Variants in ZNF606 observed in about 807,000 individuals in gnomAD.
ZNF606 encodes the protein zinc finger protein 606, also known as zinc finger protein 328.
A neutral mutation model predicts 74.9 loss-of-function variants in ZNF606; 37 were observed. The observed-to-expected ratio is 0.49, with a 90% CI of 0.38 to 0.65. The LOEUF (loss-of-function observed/expected upper bound fraction) is 0.65. Ranked by LOEUF, ZNF606 falls within the 30% of genes least tolerant of loss-of-function variation. The pLI is 0.00. For missense variants in ZNF606, 852 were observed against 952.9 expected, an observed-to-expected ratio of 0.89 and a Z score of 1.39; for synonymous variants, 328 against 312.4, an observed-to-expected ratio of 1.05 and a Z score of -0.53.
At chr19:58,001,932 C>T (rs773003184) in intron 1 of ZNF606, 41 of 338,620 alleles carry the variant, frequency 1.2e-4, no homozygotes, top group Non-Finnish European at 1.8e-4. Flanking sequence ...TTTACTAAGC[C>T]TAAGCTTGTG....
chr19:57,983,628 T>C (rs968077709), intron 6 of ZNF606, among the ~76,000 whole-genome samples: 1 of 148,836 alleles, frequency 6.7e-6, no homozygotes, highest in African/African-American at 2.5e-5. Context: ...GATGGTGGGG[T>C]TATAGAACAG....
Position 58,002,541 on chromosome 19 carries a change from C to G in ZNF606, c.-197G>C. The G allele has an allele frequency of 2.4e-6, 1 of 425,524 alleles. No individual in the cohort carries two copies. Among genetic ancestry groups the G allele is most frequent in the South Asian group, 1.7e-5 (1 of 60,070 alleles). 26.4% of individuals were successfully genotyped at this position (425,524 alleles called of 1,614,324 possible). A position where few individuals can be genotyped will look rare whatever the true frequency, so the allele number is the denominator to read the frequency against. The stretch of plus-strand genomic sequence containing the variant: ...CGGCGCGGCCTCGGGGACAAAGGCC[C>G]GCGGAGCCGACGTGCAGCAGAGTTC... On this transcript the variant is annotated 5_prime_UTR_variant, in exon 1 of 7. Transcript: ENST00000551380.
At chr19:57,986,956 G>GGT (rs1352679520) in intron 6 of ZNF606, among the ~76,000 whole-genome samples, 1 of 151,858 alleles carries the variant, frequency 6.6e-6, no homozygotes, top group Non-Finnish European at 1.5e-5. Context: ...TGAGCATGAC[G>GGT]GTGCATGGCT....
intron 6 of ZNF606, among the ~76,000 whole-genome samples, chr19:57,980,674 A>C (rs561528245): frequency 8.3e-4 from 126 of 152,158 alleles, no homozygotes; most frequent in African/African-American, 3.0e-3. Context: ...TCTCTACTAA[A>C]AATACAAAAA....
intron 6 of ZNF606, among the ~76,000 whole-genome samples, chr19:57,986,651 T>C (rs1426815685): frequency 6.6e-6 from 1 of 152,156 alleles, no homozygotes; most frequent in Admixed American, 6.6e-5. Flanking sequence ...TAAATCCATA[T>C]TCATGAACAC....
chr19:58,000,223 G>GT, intron 3 of ZNF606: 2 of 411,494 alleles, frequency 4.9e-6, no homozygotes, highest in South Asian at 4.3e-5. Flanking sequence ...CTGCTCACTG[G>GT]TTTTCTTTTT....
upstream of ZNF606, chr19:58,002,908 G>A (rs542710726): frequency 9.0e-6 from 4 of 445,460 alleles, no homozygotes; most frequent in South Asian, 3.2e-5. Context: ...CAGGTTCCTG[G>A]GCCGCGCCGC....
chr19:57,982,405 C>A (rs2073097815), intron 6 of ZNF606, among the ~76,000 whole-genome samples: 1 of 152,164 alleles, frequency 6.6e-6, no homozygotes, highest in Non-Finnish European at 1.5e-5. Flanking sequence ...CTCCCCACAG[C>A]AAGATCCTTA....
At chr19:58,003,028 C>T (rs765653315), upstream of ZNF606, 4 of 433,756 alleles carry the variant, frequency 9.2e-6, no homozygotes, top group Non-Finnish European at 1.8e-5. Flanking sequence ...CCGTCGCCTC[C>T]CACTGCAAAA....
At chr19:57,981,931 T>G (rs892161885) in intron 6 of ZNF606, among the ~76,000 whole-genome samples, 1 of 152,214 alleles carries the variant, frequency 6.6e-6, no homozygotes, top group Non-Finnish European at 1.5e-5. Flanking sequence ...AAGTCGAGAC[T>G]CAGAATCCAG....
rs926607187 is a variant in ZNF606, at chr19:58,000,135, G to A, written c.89-239C>T. On this transcript the variant is annotated intron_variant, in intron 3 of 6. Transcript: ENST00000551380. ...TACCATCTCTGAGAAGCAGTGTCTG[G>A]TCACAACCTTCCTGGGCCTGAACCC... 1.3e-5 allele frequency: 7 copies of A among 535,414 alleles called. No homozygotes were observed. In the African/African-American group the frequency reaches 1.3e-4, roughly 10 times the overall value. The allele number at this position is 535,414 out of a possible 1,614,324, so 33.2% of individuals were successfully genotyped here.
At chr19:57,987,592 C>T (rs951262572) in intron 6 of ZNF606, among the ~76,000 whole-genome samples, 4 of 152,112 alleles carry the variant, frequency 2.6e-5, no homozygotes, top group Non-Finnish European at 5.9e-5. Flanking sequence ...CTTTGGGAGC[C>T]CGAGGTGGGC....
intron 3 of ZNF606, chr19:58,000,254 C>T (rs890829792): frequency 2.4e-6 from 1 of 423,042 alleles, no homozygotes; most frequent in African/African-American, 2.0e-5. Flanking sequence ...CTGAGTCTCG[C>T]TCTGTCGCCC....
At position 57,978,092 on chromosome 19, in the gene ZNF606, T is replaced by C; in HGVS notation, c.*209A>G. 1 of 446,512 alleles carries C rather than the reference T, an allele frequency of 2.2e-6. No individual in the cohort carries two copies. The highest frequency in any genetic ancestry group is 3.8e-6 in the Non-Finnish European group (1 of 260,588). 27.7% of individuals were successfully genotyped at this position (446,512 alleles called of 1,614,324 possible). ...TTAGAGTTTCCTTCATTGTTAATTA[T>C]CTGATTTTGAGTAAGGGCTAAATAA... On this transcript the variant is annotated 3_prime_UTR_variant, in exon 7 of 7. Coordinates refer to ENST00000551380, the MANE Select transcript of ZNF606 (RefSeq NM_001348022.3). The surrounding 1 kb of genome is among the most constrained non-coding windows in gnomAD (Gnocchi z 4.4).
At chr19:57,981,352 A>G (rs758237865) in intron 6 of ZNF606, among the ~76,000 whole-genome samples, 25 of 152,128 alleles carry the variant, frequency 1.6e-4, no homozygotes, top group Admixed American at 2.6e-4. Context: ...GAGTATAATG[A>G]CTTTTGAGTC....
At position 57,977,922 on chromosome 19, in the gene ZNF606, C is replaced by G. The variant is rs1187902757; in HGVS notation, c.*379G>C. The G allele has an allele frequency of 6.1e-6, 1 of 162,872 alleles. No individual in the cohort carries two copies. The highest frequency in any genetic ancestry group is 1.3e-5 in the Non-Finnish European group (1 of 75,454). 10.1% of individuals were successfully genotyped at this position (162,872 alleles called of 1,614,324 possible). On this transcript the variant is annotated 3_prime_UTR_variant, in exon 7 of 7. Transcript: ENST00000551380. The stretch of plus-strand genomic sequence containing the variant: ...CAGCTTGATGCAAAACAGTGTATTT[C>G]CAGTCAAAAACTTTTCTCTGCATAA...
At chr19:57,986,050 C>T (rs531428005) in intron 6 of ZNF606, among the ~76,000 whole-genome samples, 24 of 151,426 alleles carry the variant, frequency 1.6e-4, no homozygotes, top group Middle Eastern at 6.8e-3. Context: ...TTCTCAGAAA[C>T]GACTCAGGCC....
intron 4 of ZNF606, among the ~76,000 whole-genome samples, chr19:57,990,051 CAAAAAAA>C (rs1159494660): frequency 6.7e-3 from 93 of 13,830 alleles, no homozygotes; most frequent in African/African-American, 0.024. Context: ...GACTCCATCT[CAAAAAAA>C]AAAAAAAAAA....
intron 4 of ZNF606, 123 bp from the exon 5 acceptor site, chr19:57,988,844 C>G (rs573079557): frequency 3.3e-4 from 500 of 1,492,694 alleles, no homozygotes; most frequent in Non-Finnish European, 4.2e-4. Context: ...CCTGGTTATT[C>G]AAGAGTCTGA....
Sources: allele counts gnomAD v4.1 joint callset (sites outside exome capture counted in the v4.1 genomes callset), GRCh38; gene constraint gnomAD v4.1.1; non-coding constraint Gnocchi (gnomAD v3.1); transcripts MANE v1.5; gene names NCBI Gene and HGNC (gene_info 2026-07-23, HGNC 2026-07-21).